TMUB1: variants seen among roughly 807,000 people sequenced by gnomAD.
TMUB1 encodes transmembrane and ubiquitin-like domain-containing protein 1.
TMUB1 carries 9 observed loss-of-function variants against 16.2 expected under a neutral mutation model. The observed-to-expected ratio is 0.55, with a 90% CI of 0.33 to 0.97. The LOEUF (loss-of-function observed/expected upper bound fraction) is 0.97. Ranked by LOEUF, TMUB1 falls within the 50% of genes least tolerant of loss-of-function variation. TMUB1 has a pLI of 0.03. For missense variants in TMUB1, 309 were observed against 313.5 expected, an observed-to-expected ratio of 0.99 and a Z score of 0.11; for synonymous variants, 155 against 152.2, an observed-to-expected ratio of 1.02 and a Z score of -0.13.
rs961071528 is a variant in TMUB1 at position 151,082,845 on chromosome 7, C to T, written c.-30-252G>A. 8.2e-6 allele frequency: 3 copies of T among 364,146 alleles called. No homozygotes were observed. In the East Asian group the frequency reaches 1.2e-4, roughly 15 times the overall value. 22.6% of individuals were successfully genotyped at this position (364,146 alleles called of 1,614,324 possible). On this transcript the variant is annotated intron_variant, in intron 1 of 2. Transcript: ENST00000297533. The surrounding 1 kb of genome is among the most constrained non-coding windows in gnomAD (Gnocchi z 7.0). ...CTCGAGGTCTTCAACCAGCTCCCAA[C>T]TCACCCAAACCCTATCCCAAGGTAA...
Position 151,081,499 on chromosome 7 carries a change from G to T in TMUB1, c.*50C>A. The stretch of plus-strand genomic sequence containing the variant: ...GGCAGCAGCTCCCGCCGCGGCGCGG[G>T]GAGCAAGGTCCGGAGGGGCCGGCGA... On this transcript the variant is annotated 3_prime_UTR_variant, in exon 3 of 3. Transcript: ENST00000297533. This position sits in a 1 kb window ranked among gnomAD's most constrained non-coding sequence, Gnocchi z 7.6. 6.9e-7 allele frequency: 1 copy of T among 1,454,072 alleles called. No homozygotes were observed. The highest frequency in any genetic ancestry group is 9.1e-7 in the Non-Finnish European group (1 of 1,103,238). The allele number at this position is 1,454,072 out of a possible 1,614,324, so 90.1% of individuals were successfully genotyped here.
Position 151,082,470 on chromosome 7 carries a change from G to A in TMUB1, c.94C>T (p.His32Tyr). The change falls in exon 2 of 3, where the codon CAC (histidine) becomes TAC (tyrosine). Residue 32 changes from histidine (H) to tyrosine (Y), a missense_variant. Physicochemically the swap from His to Tyr is moderately conservative, Grantham distance 83. Coordinates refer to ENST00000297533, the MANE Select transcript of TMUB1 (RefSeq NM_001136044.2). The surrounding 1 kb of genome is among the most constrained non-coding windows in gnomAD (Gnocchi z 7.0). ...LVLALAWVST[H>Y]TAEGGDPLPQ... ...AGTGGGTCCCCGCCCTCAGCGGTGT[G>A]CGTTGAGACCCAGGCAAGGGCCAGC... 2 of 1,600,396 alleles carry A rather than the reference G, an allele frequency of 1.2e-6. No individual in the cohort carries two copies. The highest frequency in any genetic ancestry group is 1.7e-6 in the Non-Finnish European group (2 of 1,172,736).
chr7:151,081,901 C>T lies in TMUB1; in HGVS notation c.390-1G>A. 1 of 1,479,230 alleles carries T rather than the reference C, an allele frequency of 6.8e-7. No homozygotes were observed. Among genetic ancestry groups the T allele is most frequent in the Non-Finnish European group, 9.0e-7 (1 of 1,116,384 alleles). 91.6% of individuals were successfully genotyped at this position (1,479,230 alleles called of 1,614,324 possible). A position where few individuals can be genotyped will look rare whatever the true frequency, so the allele number is the denominator to read the frequency against. Reference sequence around the variant, plus strand: ...CTGTTCCCGGCCGGGAAACTGGGTCCTGAGGAGAGAGGGACCTGGGTAAGA... The same window carrying T: ...CTGTTCCCGGCCGGGAAACTGGGTCTTGAGGAGAGAGGGACCTGGGTAAGA... On this transcript the variant is annotated splice_acceptor_variant, in intron 2 of 2. Coordinates refer to ENST00000297533, the MANE Select transcript of TMUB1 (RefSeq NM_001136044.2). LOFTEE classifies it high-confidence loss of function. The surrounding 1 kb of genome is among the most constrained non-coding windows in gnomAD (Gnocchi z 7.6).
chr7:151,081,399 C>T lies in TMUB1; in HGVS notation c.*150G>A. 8.0e-7 allele frequency: 1 copy of T among 1,247,376 alleles called. No homozygotes were observed. The highest frequency in any genetic ancestry group is 1.0e-6 in the Non-Finnish European group (1 of 993,836). 77.3% of individuals were successfully genotyped at this position (1,247,376 alleles called of 1,614,324 possible). ...TCGCAGGGCGGGGCCTCCGCCAGTC[C>T]CGGGAGTCCTCTGCGGCGCAGGGCT... On this transcript the variant is annotated 3_prime_UTR_variant, in exon 3 of 3. Coordinates refer to ENST00000297533, the MANE Select transcript of TMUB1 (RefSeq NM_001136044.2). This position sits in a 1 kb window ranked among gnomAD's most constrained non-coding sequence, Gnocchi z 7.6.
chr7:151,082,681 G>A lies in TMUB1; in HGVS notation c.-30-88C>T. On this transcript the variant is annotated intron_variant, in intron 1 of 2. Transcript: ENST00000297533. This position sits in a 1 kb window ranked among gnomAD's most constrained non-coding sequence, Gnocchi z 7.0. ...CAGGGTCCTGCCCTCACCCCACCGC[G>A]ACGCTCCCACCGTCCTCAGCCTCCG... is the stretch of plus-strand genomic sequence containing the variant. 1.8e-6 allele frequency: 2 copies of A among 1,098,702 alleles called. No individual in the cohort carries two copies. Among genetic ancestry groups the A allele is most frequent in the East Asian group, 3.1e-5 (1 of 32,726 alleles). The allele number at this position is 1,098,702 out of a possible 1,614,324, so 68.1% of individuals were successfully genotyped here.
rs1432688689 is a variant in TMUB1 at position 151,081,364 on chromosome 7, G to T, written c.*185C>A. On this transcript the variant is annotated 3_prime_UTR_variant, in exon 3 of 3. Coordinates refer to ENST00000297533, the MANE Select transcript of TMUB1 (RefSeq NM_001136044.2). The surrounding 1 kb of genome is among the most constrained non-coding windows in gnomAD (Gnocchi z 7.6). ...CAGCAGCCCCGGGAGGTGGCCCCGA[G>T]CCCCGGCGGTCGCAGGGCGGGGCCT... The T allele has an allele frequency of 1.8e-6, 2 of 1,110,338 alleles. No individual in the cohort carries two copies. Among genetic ancestry groups the T allele is most frequent in the Non-Finnish European group, 2.3e-6 (2 of 885,724 alleles). 68.8% of individuals were successfully genotyped at this position (1,110,338 alleles called of 1,614,324 possible).
Position 151,082,186 on chromosome 7 carries a change from G to A in TMUB1, c.378C>T (p.Gly126=). Residue 126 remains glycine, a synonymous_variant, in exon 2 of 3, where the codon GGC becomes GGT. Transcript: ENST00000297533. The surrounding 1 kb of genome is among the most constrained non-coding windows in gnomAD (Gnocchi z 7.0). Reference sequence around the variant, plus strand: ...CTTGACCTACTTACCTTTTCAAGGAGCCAATGGTGTCGTGGGGCCAGGCCC... The same window carrying A: ...CTTGACCTACTTACCTTTTCAAGGAACCAATGGTGTCGTGGGGCCAGGCCC... ...VARAWPHDTI[G]SLKRTQFPGR... 6.6e-7 allele frequency: 1 copy of A among 1,511,046 alleles called. No homozygotes were observed. The highest frequency in any genetic ancestry group is 8.9e-7 in the Non-Finnish European group (1 of 1,128,608). The allele number at this position is 1,511,046 out of a possible 1,614,324, so 93.6% of individuals were successfully genotyped here. A position where few individuals can be genotyped will look rare whatever the true frequency, so the allele number is the denominator to read the frequency against.
chr7:151,081,573 CAGGAGA>C lies in TMUB1; in HGVS notation c.711_716del (p.Ser237_Leu239delinsArg). On this transcript the variant is annotated inframe_deletion, in exon 3 of 3. Coordinates refer to ENST00000297533, the MANE Select transcript of TMUB1 (RefSeq NM_001136044.2). This position sits in a 1 kb window ranked among gnomAD's most constrained non-coding sequence, Gnocchi z 7.6. ...ACTACGGGCGGTACATGGCAAAGGCCAGGAGACTGAGGAGCAGGGTGAAGCCGGCCA... is the reference window on the plus strand; with the variant it reads ...ACTACGGGCGGTACATGGCAAAGGCCCTGAGGAGCAGGGTGAAGCCGGCCA... The C allele has an allele frequency of 2.5e-6, 4 of 1,606,720 alleles. No homozygotes were observed. The highest frequency in any genetic ancestry group is 3.4e-6 in the Non-Finnish European group (4 of 1,177,444).
rs774561970 is a variant in TMUB1, at chr7:151,082,405, G to A, written c.159C>T (p.Ser53=). Residue 53 remains serine, a synonymous_variant, in exon 2 of 3, where the codon AGC becomes AGT. Coordinates refer to ENST00000297533, the MANE Select transcript of TMUB1 (RefSeq NM_001136044.2). The surrounding 1 kb of genome is among the most constrained non-coding windows in gnomAD (Gnocchi z 7.0). ...PSGTPTPSQP[S]AAMAATDSMR... ...TGCTGTCGGTAGCTGCCATGGCTGC[G>A]CTGGGCTGGGATGGCGTTGGGGTCC... is the stretch of plus-strand genomic sequence containing the variant. 1.2e-6 allele frequency: 2 copies of A among 1,607,360 alleles called. No individual in the cohort carries two copies. The highest frequency in any genetic ancestry group is 1.7e-5 in the Admixed American group (1 of 59,152).
In TMUB1 at chr7:151,081,386, G is replaced by C. The variant is rs1797980003; in HGVS notation, c.*163C>G. 8.3e-7 allele frequency: 1 copy of C among 1,205,788 alleles called. No individual in the cohort carries two copies. Among genetic ancestry groups the C allele is most frequent in the Non-Finnish European group, 1.0e-6 (1 of 964,636 alleles). 74.7% of individuals were successfully genotyped at this position (1,205,788 alleles called of 1,614,324 possible). A position where few individuals can be genotyped will look rare whatever the true frequency, so the allele number is the denominator to read the frequency against. On this transcript the variant is annotated 3_prime_UTR_variant, in exon 3 of 3. Coordinates refer to ENST00000297533, the MANE Select transcript of TMUB1 (RefSeq NM_001136044.2). This position sits in a 1 kb window ranked among gnomAD's most constrained non-coding sequence, Gnocchi z 7.6. ...CGAGCCCCGGCGGTCGCAGGGCGGG[G>C]CCTCCGCCAGTCCCGGGAGTCCTCT...
Position 151,082,239 on chromosome 7 carries a change from A to T in TMUB1, c.325T>A (p.Phe109Ile). 6.4e-7 allele frequency: 1 copy of T among 1,550,674 alleles called. No homozygotes were observed. The highest frequency in any genetic ancestry group is 8.7e-7 in the Non-Finnish European group (1 of 1,148,202). The part of the protein sequence containing the change: ...PQEPLVLRLK[F>I]LNDSEQVARA... Reference sequence around the variant, plus strand: ...GCCACCTGCTCTGAATCATTGAGGAATTTCAGCCGTAGCACGAGGGGCTCC... The same window carrying T: ...GCCACCTGCTCTGAATCATTGAGGATTTTCAGCCGTAGCACGAGGGGCTCC... Residue 109 changes from phenylalanine to isoleucine, a missense_variant, in exon 2 of 3, where the codon TTC becomes ATC. Transcript: ENST00000297533. This position sits in a 1 kb window ranked among gnomAD's most constrained non-coding sequence, Gnocchi z 7.0.
rs1222193056 is a variant in TMUB1, at chr7:151,081,531, C to G, written c.*18G>C. The G allele has an allele frequency of 3.2e-6, 5 of 1,548,174 alleles. No homozygotes were observed. Among genetic ancestry groups the G allele is most frequent in the Admixed American group, 1.9e-5 (1 of 51,468 alleles). On this transcript the variant is annotated 3_prime_UTR_variant, in exon 3 of 3. Coordinates refer to ENST00000297533, the MANE Select transcript of TMUB1 (RefSeq NM_001136044.2). The surrounding 1 kb of genome is among the most constrained non-coding windows in gnomAD (Gnocchi z 7.6). ...GGTCCGGAGGGGCCGGCGACGCTGC[C>G]AAGCGCCCGCGGAGGCACTACGGGC... is the stretch of plus-strand genomic sequence containing the variant.
Position 151,082,605 on chromosome 7 carries a change from CAA to C in TMUB1, c.-30-14_-30-13del. 6.8e-7 allele frequency: 1 copy of C among 1,464,928 alleles called. No homozygotes were observed. The highest frequency in any genetic ancestry group is 9.0e-7 in the Non-Finnish European group (1 of 1,107,524). 90.7% of individuals were successfully genotyped at this position (1,464,928 alleles called of 1,614,324 possible). ...GCCGCGCTACCGAGCTGGAGAGGCACAAAGAGCCCGTGAGGCCCGGGCCCCCT... is the reference window on the plus strand; with the variant it reads ...GCCGCGCTACCGAGCTGGAGAGGCACAGAGCCCGTGAGGCCCGGGCCCCCT... On this transcript the variant is annotated splice_polypyrimidine_tract_variant and intron_variant, in intron 1 of 2. Transcript: ENST00000297533. The surrounding 1 kb of genome is among the most constrained non-coding windows in gnomAD (Gnocchi z 7.0).
chr7:151,082,826 G>A lies in TMUB1; in HGVS notation c.-30-233C>T. The A allele has an allele frequency of 2.6e-6, 1 of 381,604 alleles. No individual in the cohort carries two copies. Among genetic ancestry groups the A allele is most frequent in the Non-Finnish European group, 4.7e-6 (1 of 214,600 alleles). 23.6% of individuals were successfully genotyped at this position (381,604 alleles called of 1,614,324 possible). ...TAACTTTCTGTCATCTGAGCTCGAG[G>A]TCTTCAACCAGCTCCCAACTCACCC... On this transcript the variant is annotated intron_variant, in intron 1 of 2. Transcript: ENST00000297533. The surrounding 1 kb of genome is among the most constrained non-coding windows in gnomAD (Gnocchi z 7.0).
chr7:151,081,573 C>G lies in TMUB1; in HGVS notation c.717G>C (p.Leu239=), dbSNP rs1393527177. ...ACTACGGGCGGTACATGGCAAAGGC[C>G]AGGAGACTGAGGAGCAGGGTGAAGC... is the stretch of plus-strand genomic sequence containing the variant. ...LAGFTLLLSL[L]AFAMYRP is the part of the protein sequence containing the mutation. The change falls in exon 3 of 3, where the codon CTG becomes CTC. Residue 239 remains leucine, a synonymous_variant. Transcript: ENST00000297533. This position sits in a 1 kb window ranked among gnomAD's most constrained non-coding sequence, Gnocchi z 7.6. 1 of 1,606,720 alleles carries G rather than the reference C, an allele frequency of 6.2e-7. No individual in the cohort carries two copies. The highest frequency in any genetic ancestry group is 8.5e-7 in the Non-Finnish European group (1 of 1,177,444).
rs1798028204 is a variant in TMUB1 at position 151,082,612 on chromosome 7, C to G, written c.-30-19G>C. The G allele has an allele frequency of 1.4e-6, 2 of 1,455,424 alleles. No homozygotes were observed. The highest frequency in any genetic ancestry group is 1.8e-6 in the Non-Finnish European group (2 of 1,103,166). 90.2% of individuals were successfully genotyped at this position (1,455,424 alleles called of 1,614,324 possible). On this transcript the variant is annotated intron_variant, in intron 1 of 2. Transcript: ENST00000297533. This position sits in a 1 kb window ranked among gnomAD's most constrained non-coding sequence, Gnocchi z 7.0. ...TACCGAGCTGGAGAGGCACAAAGAGCCCGTGAGGCCCGGGCCCCCTGGCCA... is the reference window on the plus strand; with the variant it reads ...TACCGAGCTGGAGAGGCACAAAGAGGCCGTGAGGCCCGGGCCCCCTGGCCA...
rs1267265028 is a variant in TMUB1, at chr7:151,082,741, C to T, written c.-30-148G>A. 4 of 568,910 alleles carry T rather than the reference C, an allele frequency of 7.0e-6. No homozygotes were observed. Among genetic ancestry groups the T allele is most frequent in the Non-Finnish European group, 1.1e-5 (4 of 376,648 alleles). The allele number at this position is 568,910 out of a possible 1,614,324, so 35.2% of individuals were successfully genotyped here. On this transcript the variant is annotated intron_variant, in intron 1 of 2. Coordinates refer to ENST00000297533, the MANE Select transcript of TMUB1 (RefSeq NM_001136044.2). This position sits in a 1 kb window ranked among gnomAD's most constrained non-coding sequence, Gnocchi z 7.0. ...CCACCCCAGGGTACCGGCTTCTCTGCCTCCCAGTCGCCCCAAACTTGCCTC... is the reference window on the plus strand; with the variant it reads ...CCACCCCAGGGTACCGGCTTCTCTGTCTCCCAGTCGCCCCAAACTTGCCTC...
rs533825008 is a variant in TMUB1 at position 151,082,692 on chromosome 7, C to A, written c.-30-99G>T. ...CCTCACCCCACCGCGACGCTCCCAC[C>A]GTCCTCAGCCTCCGTCCCCTCACCC... On this transcript the variant is annotated intron_variant, in intron 1 of 2. Transcript: ENST00000297533. The surrounding 1 kb of genome is among the most constrained non-coding windows in gnomAD (Gnocchi z 7.0). 15 of 997,178 alleles carry A rather than the reference C, an allele frequency of 1.5e-5. No individual in the cohort carries two copies. Among genetic ancestry groups the A allele is most frequent in the Non-Finnish European group, 2.0e-5 (15 of 753,432 alleles). 61.8% of individuals were successfully genotyped at this position (997,178 alleles called of 1,614,324 possible).
Position 151,082,585 on chromosome 7 carries a change from G to A in TMUB1, c.-22C>T. 1 of 1,482,002 alleles carries A rather than the reference G, an allele frequency of 6.7e-7. No homozygotes were observed. The highest frequency in any genetic ancestry group is 9.0e-7 in the Non-Finnish European group (1 of 1,115,910). The allele number at this position is 1,482,002 out of a possible 1,614,324, so 91.8% of individuals were successfully genotyped here. Reference sequence around the variant, plus strand: ...TCATGGCGCCTGCCTTGCCCGCCGCGCTACCGAGCTGGAGAGGCACAAAGA... The same window carrying A: ...TCATGGCGCCTGCCTTGCCCGCCGCACTACCGAGCTGGAGAGGCACAAAGA... On this transcript the variant is annotated 5_prime_UTR_variant, in exon 2 of 3. Transcript: ENST00000297533. The surrounding 1 kb of genome is among the most constrained non-coding windows in gnomAD (Gnocchi z 7.0).
Sources: gnomAD v4.1 joint callset for allele counts on GRCh38, gnomAD v4.1.1 for gene constraint, Gnocchi (gnomAD v3.1) non-coding constraint, MANE v1.5 for transcripts, NCBI Gene and HGNC (gene_info 2026-07-23, HGNC 2026-07-21) for gene names.